Variants in ATF7IP observed in about 807,000 individuals in gnomAD.
ATF7IP encodes the protein activating transcription factor 7 interacting protein.
ATF7IP carries 23 observed loss-of-function variants against 106.4 expected under a neutral mutation model. The observed-to-expected ratio is 0.22, with a 90% CI of 0.16 to 0.31. The LOEUF is 0.31. Among genes scored for constraint, ATF7IP ranks in the 10% least tolerant of loss-of-function variants. The probability of loss-of-function intolerance (pLI) is 1.00; values close to 1 mark genes in which losing one functional copy is unlikely to be tolerated. For synonymous variants in ATF7IP, 542 were observed against 539.0 expected, an observed-to-expected ratio of 1.01 and a Z score of -0.08; for missense variants, 1,334 against 1,524.3, an observed-to-expected ratio of 0.88 and a Z score of 2.08.
intron 13 of ATF7IP, among the ~76,000 whole-genome samples, chr12:14,489,338 G>A (rs1302315562): frequency 6.6e-6 from 1 of 152,182 alleles, no homozygotes. Context: ...TGACTTAAAG[G>A]TAGGAGGATC....
chr12:14,379,742 T>C (rs1938922403), intron 1 of ATF7IP, among the ~76,000 whole-genome samples: 1 of 152,216 alleles, frequency 6.6e-6, no homozygotes, highest in Non-Finnish European at 1.5e-5. Flanking sequence ...AAGACACTGC[T>C]CCATTATCTT....
rs1942395586 is a variant in ATF7IP at position 14,436,195 on chromosome 12, G to A, written c.1735G>A (p.Ala579Thr). 1 of 1,613,680 alleles carries A rather than the reference G, an allele frequency of 6.2e-7. No homozygotes were observed. The highest frequency in any genetic ancestry group is 1.3e-5 in the African/African-American group (1 of 75,040). ...TCGATATATGGAAGAAGAATATGAG[G>A]CAGAATTTCAAGTAAAGATTACAGC... ...RRRYMEEEYE[A>T]EFQVKITAKG... The change falls in exon 4 of 15, where the codon GCA becomes ACA. Residue 579 changes from alanine (A) to threonine (T), a missense_variant. Ala to Thr is a moderately conservative substitution (Grantham distance 58). This residue lies in a region of ATF7IP where 119 missense variants were observed against 117.8 expected (regional missense o/e 1.01). Coordinates refer to ENST00000261168, the MANE Select transcript of ATF7IP (RefSeq NM_018179.5).
intron 9 of ATF7IP, 68 bp downstream of exon 9, chr12:14,461,201 T>C (rs1943626927): frequency 2.1e-6 from 3 of 1,438,852 alleles, no homozygotes; most frequent in African/African-American, 2.8e-5. Context: ...GATTGAACTT[T>C]TTTTTTCTAA....
chr12:14,457,112 T>C, intron 7 of ATF7IP, 95 bp from the exon 8 acceptor site: 9 of 1,042,916 alleles, frequency 8.6e-6, no homozygotes, highest in Admixed American at 2.5e-5. Flanking sequence ...CTAGCCACCC[T>C]TTTTCCCCTG....
intron 1 of ATF7IP, among the ~76,000 whole-genome samples, chr12:14,392,010 C>T (rs937966992): frequency 6.6e-6 from 1 of 152,140 alleles, no homozygotes; most frequent in Non-Finnish European, 1.5e-5. Context: ...TGTGAGCCAC[C>T]ATGCCTGGCC....
chr12:14,424,518 T>C lies in ATF7IP; in HGVS notation c.603T>C (p.Ser201=), dbSNP rs755970140. 2 of 1,614,102 alleles carry C rather than the reference T, an allele frequency of 1.2e-6. No homozygotes were observed. Among genetic ancestry groups the C allele is most frequent in the Non-Finnish European group, 1.7e-6 (2 of 1,180,048 alleles). Residue 201 remains serine (S), a synonymous_variant, in exon 2 of 15, where the codon TCT becomes TCC. Transcript: ENST00000261168. The stretch of plus-strand genomic sequence containing the variant: ...ATGCCACTGCTGATGATCTCTCCTC[T>C]GGTGATCCCACCTCTAGTGATCCCA... ...SGDATADDLS[S]GDPTSSDPIP...
chr12:14,426,624 C>T (rs560800861), intron 2 of ATF7IP, among the ~76,000 whole-genome samples: 2 of 145,320 alleles, frequency 1.4e-5, no homozygotes, highest in Non-Finnish European at 3.0e-5. Context: ...CTCAGGAGTT[C>T]GAGACCAGCC....
At position 14,388,174 on chromosome 12, in the gene ATF7IP, C is replaced by T. The variant is rs144130175; in HGVS notation, c.-8+22347C>T. ...AAGCCATTCTCCTGTCTCAGCCTCC[C>T]GAGTAGCTGGGATTACAGGCATGTG... On this transcript the variant is annotated intron_variant, in intron 1 of 14. Coordinates refer to ENST00000261168, the MANE Select transcript of ATF7IP (RefSeq NM_018179.5). 2.8e-3 allele frequency among the ~76,000 whole-genome samples: 428 copies of T among 151,972 alleles called. 1 individual carries two copies. The highest frequency in any genetic ancestry group is 0.01 in the Middle Eastern group (3 of 294).
chr12:14,409,223 A>G (rs544314522), intron 1 of ATF7IP, among the ~76,000 whole-genome samples: 1 of 152,214 alleles, frequency 6.6e-6, no homozygotes, highest in East Asian at 1.9e-4. Context: ...TTCTAAAAGG[A>G]TACCTTCAGA....
chr12:14,369,439 C>T (rs1238493155), intron 1 of ATF7IP: 1 of 152,196 alleles, frequency 6.6e-6, no homozygotes, highest in Non-Finnish European at 1.5e-5. Flanking sequence ...ACTGTAACCT[C>T]TTCTTGGGTT....
chr12:14,395,822 T>C (rs903390724), intron 1 of ATF7IP, among the ~76,000 whole-genome samples: 9 of 152,080 alleles, frequency 5.9e-5, no homozygotes, highest in African/African-American at 2.2e-4. Flanking sequence ...TTTAAATTTA[T>C]TATTATTTTA....
intron 6 of ATF7IP, among the ~76,000 whole-genome samples, chr12:14,451,821 GTA>G (rs1943213463): frequency 6.6e-6 from 1 of 152,108 alleles, no homozygotes; most frequent in Non-Finnish European, 1.5e-5. Flanking sequence ...AGAAGAATGT[GTA>G]TTCTGCTGTT....
In ATF7IP at chr12:14,481,128, C is replaced by A; in HGVS notation, c.3223C>A (p.Pro1075Thr). ...TTLPAPPAQA[P>T]LRGTVMQAPA... ...TCTTCCTGCACCACCAGCTCAGGCT[C>A]CCTTGCGAGGAACTGTTATGCAGGC... The change falls in exon 13 of 15, where the codon CCC (proline) becomes ACC (threonine). Residue 1075 changes from proline (P) to threonine (T), a missense_variant. By Grantham distance (38) the Pro-to-Thr change is conservative. Around this residue, in one of 10 missense-constraint regions of ATF7IP, gnomAD observed 370 missense variants for 401.2 expected, o/e 0.92. Coordinates refer to ENST00000261168, the MANE Select transcript of ATF7IP (RefSeq NM_018179.5). 5.0e-6 allele frequency: 8 copies of A among 1,614,058 alleles called. No individual in the cohort carries two copies. Among genetic ancestry groups the A allele is most frequent in the Non-Finnish European group, 6.8e-6 (8 of 1,179,964 alleles).
intron 6 of ATF7IP, among the ~76,000 whole-genome samples, chr12:14,450,309 G>C (rs1195232510): frequency 6.6e-6 from 1 of 152,162 alleles, no homozygotes; most frequent in Non-Finnish European, 1.5e-5. Flanking sequence ...GAGTTTTCAT[G>C]TATGGCCTTT....
chr12:14,424,196 T>A lies in ATF7IP; in HGVS notation c.281T>A (p.Ile94Asn). ...SKAEWKETPC[I>N]LSVNVKNKQD... ...GCAGAATGGAAGGAAACACCCTGTA[T>A]CCTAAGTGTTAATGTAAAAAACAAG... Residue 94 changes from isoleucine (I) to asparagine (N), a missense_variant, in exon 2 of 15, where the codon ATC (isoleucine) becomes AAC (asparagine). Around this residue, in one of 10 missense-constraint regions of ATF7IP, gnomAD observed 438 missense variants for 405.3 expected, o/e 1.08. Coordinates refer to ENST00000261168, the MANE Select transcript of ATF7IP (RefSeq NM_018179.5). The A allele has an allele frequency of 6.2e-7, 1 of 1,614,178 alleles. No individual in the cohort carries two copies. Among genetic ancestry groups the A allele is most frequent in the Non-Finnish European group, 8.5e-7 (1 of 1,180,026 alleles).
chr12:14,388,195 A>G (rs1433320812), intron 1 of ATF7IP, among the ~76,000 whole-genome samples: 1 of 147,720 alleles, frequency 6.8e-6, no homozygotes, highest in African/African-American at 2.5e-5. Flanking sequence ...GATTACAGGC[A>G]TGTGCCACCA....
chr12:14,378,099 T>A (rs953449146), intron 1 of ATF7IP, among the ~76,000 whole-genome samples: 1 of 108,662 alleles, frequency 9.2e-6, no homozygotes, highest in African/African-American at 4.2e-5. Flanking sequence ...TTTTTCTTTT[T>A]CTTTTTTTTT....
intron 1 of ATF7IP, among the ~76,000 whole-genome samples, chr12:14,369,851 T>C (rs1221959609): frequency 6.6e-6 from 1 of 152,194 alleles, no homozygotes; most frequent in Non-Finnish European, 1.5e-5. Flanking sequence ...ATTCATATAC[T>C]AGGTATATTT....
intron 1 of ATF7IP, among the ~76,000 whole-genome samples, chr12:14,368,990 C>T (rs1397010430): frequency 1.3e-5 from 2 of 151,574 alleles, no homozygotes; most frequent in South Asian, 4.2e-4. Context: ...TGCTCTGCTG[C>T]GCATGCTAAA....
Sources: allele counts gnomAD v4.1 joint callset (sites outside exome capture counted in the v4.1 genomes callset), GRCh38; gene constraint gnomAD v4.1.1; regional missense constraint gnomAD v4.1.1; transcripts MANE v1.5; gene names NCBI Gene and HGNC (gene_info 2026-07-23, HGNC 2026-07-21).